The following RPH3AL variants were observed in gnomAD, a reference collection of about 807,000 sequenced individuals.
RPH3AL encodes the protein rabphilin 3A like (without C2 domains).
RPH3AL carries 38 observed loss-of-function variants against 43.1 expected under a neutral mutation model. The ratio of observed to expected loss-of-function variants is 0.88; its 90% CI spans 0.68 to 1.15. The LOEUF (loss-of-function observed/expected upper bound fraction) is 1.15. RPH3AL is among the 50% of genes most tolerant of loss of function. The probability of loss-of-function intolerance (pLI) is 0.00; values close to 1 mark genes in which losing one functional copy is unlikely to be tolerated. For missense variants in RPH3AL, 462 were observed against 423.2 expected, an observed-to-expected ratio of 1.09 and a Z score of -0.81; for synonymous variants, 189 against 176.3, an observed-to-expected ratio of 1.07 and a Z score of -0.57.
At chr17:259,724 G>T (rs2042154896) in intron 6 of RPH3AL, among the ~76,000 whole-genome samples, 1 of 152,220 alleles carries the variant, frequency 6.6e-6, no homozygotes, top group Admixed American at 6.5e-5. Flanking sequence ...GGTGGCCGGG[G>T]TGTCCGGCAG....
intron 5 of RPH3AL, among the ~76,000 whole-genome samples, chr17:315,503 C>A (rs2151673776): frequency 7.5e-6 from 1 of 133,704 alleles, no homozygotes; most frequent in East Asian, 2.2e-4. Context: ...GTCCCTGTGA[C>A]TCCACCTCCA....
At chr17:286,583 G>A (rs141799130) in intron 5 of RPH3AL, among the ~76,000 whole-genome samples, 1 of 152,334 alleles carries the variant, frequency 6.6e-6, no homozygotes, top group African/African-American at 2.4e-5. Context: ...TTTGTTCCCA[G>A]GTTCCAATAA....
intron 5 of RPH3AL, among the ~76,000 whole-genome samples, chr17:314,311 G>C (rs1480717666): frequency 6.6e-6 from 1 of 151,800 alleles, no homozygotes; most frequent in African/African-American, 2.4e-5. Flanking sequence ...CTGTGGGGTT[G>C]AGAGACAGGA....
At position 213,906 on chromosome 17, in the gene RPH3AL, T is replaced by C. The variant is rs923746453; in HGVS notation, c.894A>G (p.Gly298=). 1.2e-6 allele frequency: 2 copies of C among 1,613,358 alleles called. No individual in the cohort carries two copies. Among genetic ancestry groups the C allele is most frequent in the African/African-American group, 1.3e-5 (1 of 75,030 alleles). The change falls in exon 10 of 10, where the codon GGA becomes GGG. Residue 298 remains glycine, a synonymous_variant. Transcript: ENST00000331302. Reference sequence around the variant, plus strand: ...GAGCTGCGTCAGCAGCGGGGGCTCGTCCAGGTGTGTCTTTTACCTTTGGAT... The same window carrying C: ...GAGCTGCGTCAGCAGCGGGGGCTCGCCCAGGTGTGTCTTTTACCTTTGGAT... The part of the protein sequence containing the change: ...TRRAPVKDTP[G]RAPAADAAPA...
At chr17:231,578 A>G (rs117576210) in intron 7 of RPH3AL, among the ~76,000 whole-genome samples, 5,924 of 152,282 alleles carry the variant, frequency 0.039, 168 homozygotes, top group South Asian at 0.076. Flanking sequence ...GCCCAGATTT[A>G]TTCACTTCAC....
Position 283,706 on chromosome 17 carries a change from G to C in RPH3AL, c.352-1852C>G, listed in dbSNP as rs72806024. ...TGTGGTCATATCTGTGCCAGTCCTG[G>C]GTTTGGGATCATTGCTAGGCTGGGC... On this transcript the variant is annotated intron_variant, in intron 5 of 9. Coordinates refer to ENST00000331302, the MANE Select transcript of RPH3AL (RefSeq NM_006987.4). The surrounding 1 kb of genome is among the most constrained non-coding windows in gnomAD (Gnocchi z 4.2). Among the ~76,000 whole-genome samples, 7,812 of 152,162 alleles carry C rather than the reference G, an allele frequency of 0.051. 282 individuals are homozygous for C. Among genetic ancestry groups the C allele is most frequent in the Non-Finnish European group, 0.079 (5,368 of 67,988 alleles).
chr17:223,650 T>C (rs375574948), intron 7 of RPH3AL, among the ~76,000 whole-genome samples: 115 of 152,192 alleles, frequency 7.6e-4, no homozygotes, highest in African/African-American at 2.7e-3. Context: ...CACTGAAGCT[T>C]AGTGGGAGGA....
chr17:306,266 GC>G (rs1305351327), intron 5 of RPH3AL: 1 of 151,914 alleles, frequency 6.6e-6, no homozygotes. Context: ...TGCCCCACGA[GC>G]CCCTTCCCCA....
At chr17:315,965 A>G (rs1555520021) in intron 5 of RPH3AL, among the ~76,000 whole-genome samples, 11 of 144,540 alleles carry the variant, frequency 7.6e-5, no homozygotes, top group African/African-American at 3.0e-4. Flanking sequence ...CTGTGACCCC[A>G]CCTCCACTGA....
intron 6 of RPH3AL, among the ~76,000 whole-genome samples, chr17:267,978 G>A (rs914557763): frequency 1.2e-4 from 19 of 152,138 alleles, no homozygotes; most frequent in African/African-American, 4.6e-4. Flanking sequence ...AAATGGTGCT[G>A]GATGTGAGAA....
At chr17:249,266 C>T (rs1172794448) in intron 6 of RPH3AL, among the ~76,000 whole-genome samples, 2 of 152,114 alleles carry the variant, frequency 1.3e-5, no homozygotes, top group Non-Finnish European at 2.9e-5. Context: ...GCCAAGGTTC[C>T]GAGCCGACGT....
chr17:237,632 G>A (rs533584410), intron 7 of RPH3AL, among the ~76,000 whole-genome samples: 70 of 152,354 alleles, frequency 4.6e-4, no homozygotes, highest in African/African-American at 1.7e-3. Flanking sequence ...CTGTGAGCAG[G>A]GCTTTTGATG....
In RPH3AL at chr17:327,571, G is replaced by T; in HGVS notation, c.-28C>A. On this transcript the variant is annotated 5_prime_UTR_variant, in exon 3 of 10. Coordinates refer to ENST00000331302, the MANE Select transcript of RPH3AL (RefSeq NM_006987.4). ...CTCGGAGCACCCGGCTGGGGGTGGG[G>T]AGTCACATCTGAGATGAAGGAGGGA... 1 of 1,608,298 alleles carries T rather than the reference G, an allele frequency of 6.2e-7. No homozygotes were observed.
chr17:300,866 C>T (rs1009920371), intron 5 of RPH3AL, among the ~76,000 whole-genome samples: 2 of 150,398 alleles, frequency 1.3e-5, no homozygotes, highest in South Asian at 2.1e-4. Flanking sequence ...ATCTCTCACC[C>T]GCTCTAGCAG....
chr17:315,163 GCCC>G (rs66651775), intron 5 of RPH3AL, among the ~76,000 whole-genome samples: 4 of 18,398 alleles, frequency 2.2e-4, no homozygotes, highest in Non-Finnish European at 4.0e-4. Flanking sequence ...TAGTCCCTGT[GCCC>G]CCACCTCCAT....
chr17:252,760 C>T (rs1357888833), intron 6 of RPH3AL, among the ~76,000 whole-genome samples: 1 of 152,164 alleles, frequency 6.6e-6, no homozygotes, highest in Non-Finnish European at 1.5e-5. Context: ...GACAGAAGTG[C>T]TTCAGATTTT....
At chr17:248,726 G>A (rs1555541165) in intron 6 of RPH3AL, among the ~76,000 whole-genome samples, 2 of 152,216 alleles carry the variant, frequency 1.3e-5, no homozygotes, top group Admixed American at 1.3e-4. Flanking sequence ...TGAATCAATG[G>A]CAGCTTCCAC....
intron 7 of RPH3AL, among the ~76,000 whole-genome samples, chr17:240,095 G>A (rs2041492184): frequency 1.3e-5 from 2 of 151,764 alleles, no homozygotes; most frequent in South Asian, 4.2e-4. Context: ...AAATTAGCGG[G>A]GCGTGGTGGT....
intron 5 of RPH3AL, among the ~76,000 whole-genome samples, chr17:310,713 G>C (rs757555456): frequency 6.6e-6 from 1 of 152,140 alleles, no homozygotes; most frequent in African/African-American, 2.4e-5. Context: ...ATGGTTTCAC[G>C]CCTCCCTCCG....
Sources: allele counts gnomAD v4.1 joint callset (sites outside exome capture counted in the v4.1 genomes callset), GRCh38; gene constraint gnomAD v4.1.1; non-coding constraint Gnocchi (gnomAD v3.1); transcripts MANE v1.5; gene names NCBI Gene and HGNC (gene_info 2026-07-23, HGNC 2026-07-21).